The following LGMN variants were observed in gnomAD, a reference collection of about 807,000 sequenced individuals.
LGMN encodes the protein asparaginyl endopeptidase.
Under a neutral mutation model 56.8 loss-of-function variants are expected in LGMN, and 36 were observed. That is an observed-to-expected ratio of 0.63 (90% CI 0.49 to 0.84). The LOEUF is 0.84. Ranked by LOEUF, LGMN falls within the 40% of genes least tolerant of loss-of-function variation. The probability of loss-of-function intolerance (pLI) is 0.00; values close to 1 mark genes in which losing one functional copy is unlikely to be tolerated. For missense variants in LGMN, 446 were observed against 556.1 expected, an observed-to-expected ratio of 0.80 and a Z score of 1.99; for synonymous variants, 199 against 210.1, an observed-to-expected ratio of 0.95 and a Z score of 0.46.
At chr14:92,705,350 A>G (rs1889376128) in intron 12 of LGMN, among the ~76,000 whole-genome samples, 1 of 151,884 alleles carries the variant, frequency 6.6e-6, no homozygotes, top group African/African-American at 2.4e-5. Flanking sequence ...AAAAATACGA[A>G]AATTAGCCAG....
intron 2 of LGMN, among the ~76,000 whole-genome samples, chr14:92,728,163 C>T (rs1247239605): frequency 6.6e-6 from 1 of 152,160 alleles, no homozygotes; most frequent in Non-Finnish European, 1.5e-5. Context: ...GCACCAGGGA[C>T]TGGTTTTGTG....
rs776369977 is a variant in LGMN, at chr14:92,711,856, C to T, written c.710G>A (p.Trp237Ter). ...GCTCACCACGTCCGAATCTTCCATC[C>T]AGTTGACGCTGTACCAGTCCCCCAG... ...TYLGDWYSVN[W>*]MEDSDVEDLT... The change falls in exon 9 of 14, where the codon TGG becomes TAG. Residue 237 changes from tryptophan to a stop codon, truncating the protein, a stop_gained. Transcript: ENST00000334869. LOFTEE classifies it high-confidence loss of function. 8.1e-6 allele frequency: 13 copies of T among 1,613,392 alleles called. No homozygotes were observed. The highest frequency in any genetic ancestry group is 1.1e-5 in the Non-Finnish European group (13 of 1,179,404).
chr14:92,717,839 G>A (rs1386488453), intron 3 of LGMN, among the ~76,000 whole-genome samples: 1 of 152,206 alleles, frequency 6.6e-6, no homozygotes, highest in East Asian at 1.9e-4. Flanking sequence ...TAATACAAGA[G>A]CTTAGGCGTT....
Position 92,709,840 on chromosome 14 carries a change from C to G in LGMN, c.852G>C (p.Gln284His). The change falls in exon 11 of 14, where the codon CAG becomes CAC. Residue 284 changes from glutamine to histidine, a missense_variant. Transcript: ENST00000334869. ...GAGAACTGGCTTTGCGTTTCATACCCTGAAACTGCATCACTTTCATGGTGG... is the reference window on the plus strand; with the variant it reads ...GAGAACTGGCTTTGCGTTTCATACCGTGAAACTGCATCACTTTCATGGTGG... The part of the protein sequence containing the change: ...TISTMKVMQF[Q>H]GMKRKASSPV... 1.2e-6 allele frequency: 2 copies of G among 1,611,466 alleles called. No homozygotes were observed. Among genetic ancestry groups the G allele is most frequent in the Non-Finnish European group, 1.7e-6 (2 of 1,178,398 alleles).
chr14:92,727,564 GATGT>G (rs1249697062), intron 2 of LGMN, among the ~76,000 whole-genome samples: 1 of 151,670 alleles, frequency 6.6e-6, no homozygotes, highest in Non-Finnish European at 1.5e-5. Flanking sequence ...GAAGGCACCC[GATGT>G]GCTGGCCACG....
chr14:92,724,701 T>C (rs1890659290), intron 2 of LGMN, among the ~76,000 whole-genome samples: 1 of 152,234 alleles, frequency 6.6e-6, no homozygotes, highest in Non-Finnish European at 1.5e-5. Flanking sequence ...GTTTGATAGC[T>C]TGTGCTGGGA....
chr14:92,710,357 A>C (rs1889696730), intron 10 of LGMN, among the ~76,000 whole-genome samples: 1 of 152,244 alleles, frequency 6.6e-6, no homozygotes, highest in Non-Finnish European at 1.5e-5. Context: ...CAAGTCCCTA[A>C]GGACCAGTAG....
At position 92,704,197 on chromosome 14, in the gene LGMN, GGAGC is replaced by G. The variant is rs1475176637; in HGVS notation, c.*118_*121del. ...TGAAGAAGGTCCTGGAGCGAGCCCT[GGAGC>G]GGGGGCTCCCCAGGAGGGCCCGAGC... On this transcript the variant is annotated 3_prime_UTR_variant, in exon 14 of 14. Transcript: ENST00000334869. The G allele has an allele frequency of 5.6e-6, 7 of 1,255,998 alleles. No individual in the cohort carries two copies. Among genetic ancestry groups the G allele is most frequent in the Non-Finnish European group, 8.2e-6 (7 of 856,546 alleles). The allele number at this position is 1,255,998 out of a possible 1,614,324, so 77.8% of individuals were successfully genotyped here.
chr14:92,715,477 A>C (rs918557858), intron 5 of LGMN, among the ~76,000 whole-genome samples: 1 of 152,186 alleles, frequency 6.6e-6, no homozygotes, highest in African/African-American at 2.4e-5. Flanking sequence ...TGGCCTCCCA[A>C]AGTGCTGGGA....
At chr14:92,722,910 C>T (rs60801559) in intron 2 of LGMN, among the ~76,000 whole-genome samples, 3,505 of 152,244 alleles carry the variant, frequency 0.023, 146 homozygotes, top group African/African-American at 0.079. Context: ...CACAGACAGA[C>T]GGACAATAAC....
In LGMN at chr14:92,709,683, G is replaced by A. The variant is rs570992743; in HGVS notation, c.1009C>T (p.Arg337Trp). The A allele has an allele frequency of 4.0e-5, 65 of 1,612,912 alleles. No individual in the cohort carries two copies. In the East Asian group the frequency reaches 8.0e-4, roughly 20 times the overall value. The change falls in exon 11 of 14, where the codon CGG becomes TGG. Residue 337 changes from arginine to tryptophan, a missense_variant. Physicochemically the swap from Arg to Trp is moderately radical, Grantham distance 101 (BLOSUM62 -3). Transcript: ENST00000334869. Reference protein sequence around the residue: ...ESRQLTEEIQRHLDARHLIEK... With the variant: ...ESRQLTEEIQWHLDARHLIEK... ...TCACCACTACTCACATCCAGATGCC[G>A]CTGGATCTCCTCCGTGAGCTGCCTG...
chr14:92,706,507 G>A lies in LGMN; in HGVS notation c.1167C>T (p.His389=). Residue 389 remains histidine, a synonymous_variant, in exon 12 of 14, where the codon CAC becomes CAT. Transcript: ENST00000334869. ...YPEALLHFRT[H]CFNWHSPTYE... Reference sequence around the variant, plus strand: ...CCGTGGGGGAGTGCCAGTTGAAGCAGTGGGTCCGGAAGTGCAGCAGGGCCT... The same window carrying A: ...CCGTGGGGGAGTGCCAGTTGAAGCAATGGGTCCGGAAGTGCAGCAGGGCCT... The A allele has an allele frequency of 1.9e-6, 3 of 1,561,674 alleles. No individual in the cohort carries two copies. Among genetic ancestry groups the A allele is most frequent in the Non-Finnish European group, 2.6e-6 (3 of 1,142,808 alleles).
At chr14:92,716,862 C>A (rs950453706) in intron 4 of LGMN, among the ~76,000 whole-genome samples, 1 of 151,902 alleles carries the variant, frequency 6.6e-6, no homozygotes, top group African/African-American at 2.4e-5. Flanking sequence ...GCATCACGGT[C>A]GATTTTAAAA....
At chr14:92,742,012 G>GT (rs1389342996) in intron 1 of LGMN, among the ~76,000 whole-genome samples, 1 of 152,220 alleles carries the variant, frequency 6.6e-6, no homozygotes, top group East Asian at 1.9e-4. Flanking sequence ...GCCAGGTCCA[G>GT]TTTTAGCAAG....
At chr14:92,726,097 C>T (rs528702413) in intron 2 of LGMN, among the ~76,000 whole-genome samples, 5 of 151,576 alleles carry the variant, frequency 3.3e-5, no homozygotes, top group South Asian at 2.1e-4. Flanking sequence ...ATTAGCCGGG[C>T]GTGGTGGCAG....
At chr14:92,719,143 A>ACTG (rs1890226612) in intron 2 of LGMN, among the ~76,000 whole-genome samples, 1 of 120,752 alleles carries the variant, frequency 8.3e-6, no homozygotes, top group South Asian at 3.1e-4. Context: ...CGCCACCGCC[A>ACTG]CCACCACCGC....
At chr14:92,738,144 C>T (rs937895975) in intron 1 of LGMN, among the ~76,000 whole-genome samples, 1 of 152,148 alleles carries the variant, frequency 6.6e-6, no homozygotes, top group Non-Finnish European at 1.5e-5. Flanking sequence ...CCTACTTATC[C>T]ACCTAAATTA....
intron 1 of LGMN, among the ~76,000 whole-genome samples, chr14:92,740,614 C>G (rs548847081): frequency 6.6e-6 from 1 of 152,212 alleles, no homozygotes; most frequent in Non-Finnish European, 1.5e-5. Context: ...CCCCAGGGCC[C>G]GAGCACAGAG....
Position 92,717,477 on chromosome 14 carries a change from C to T in LGMN, c.237-16G>A. 1 of 1,594,134 alleles carries T rather than the reference C, an allele frequency of 6.3e-7. No individual in the cohort carries two copies. Among genetic ancestry groups the T allele is most frequent in the South Asian group, 1.1e-5 (1 of 90,596 alleles). On this transcript the variant is annotated splice_polypyrimidine_tract_variant and intron_variant, in intron 3 of 13. Transcript: ENST00000334869. The stretch of plus-strand genomic sequence containing the variant: ...AGTGGGATTGCTGAAAATTAAAGGA[C>T]ACAATTTAAACGAGATGTGGCATGC...
Sources: allele counts gnomAD v4.1 joint callset (sites outside exome capture counted in the v4.1 genomes callset), GRCh38; gene constraint gnomAD v4.1.1; transcripts MANE v1.5; gene names NCBI Gene and HGNC (gene_info 2026-07-23, HGNC 2026-07-21).